MMP24: variants seen among roughly 807,000 people sequenced by gnomAD.
MMP24 encodes the protein matrix metalloproteinase-24.
Under a neutral mutation model 62.8 loss-of-function variants are expected in MMP24, and 25 were observed. The ratio of observed to expected loss-of-function variants is 0.40; its 90% CI spans 0.29 to 0.56. MMP24 has a LOEUF of 0.56. MMP24 is among the 20% of genes least tolerant of loss of function. The pLI is 0.50. For missense variants in MMP24, 634 were observed against 853.6 expected (o/e 0.74, Z 3.21); for synonymous variants, 319 against 350.5 (o/e 0.91, Z 1.00).
At chr20:35,262,166 T>G (rs1048580497) in intron 4 of MMP24, among the ~76,000 whole-genome samples, 3 of 151,952 alleles carry the variant, frequency 2.0e-5, no homozygotes, top group African/African-American at 7.3e-5. Context: ...GTGTTTCTCG[T>G]AAGGTGGAAT....
Position 35,269,852 on chromosome 20 carries a change from C to G in MMP24, c.1287C>G (p.Ile429Met). 1.3e-6 allele frequency: 2 copies of G among 1,553,810 alleles called. No homozygotes were observed. Among genetic ancestry groups the G allele is most frequent in the Non-Finnish European group, 1.7e-6 (2 of 1,148,310 alleles). The change falls in exon 7 of 9, where the codon ATC becomes ATG. Residue 429 changes from isoleucine (I) to methionine (M), a missense_variant. Physicochemically the swap from Ile to Met is conservative, Grantham distance 10. Transcript: ENST00000246186. The surrounding 1 kb of genome is among the most constrained non-coding windows in gnomAD (Gnocchi z 4.6). ...TCTGGAAGGGCCTGCCTGCCCGCAT[C>G]GACGCAGCCTATGAAAGGGCCGATG... ...EQFWKGLPAR[I>M]DAAYERADGR... is the part of the protein sequence containing the mutation.
intron 2 of MMP24, among the ~76,000 whole-genome samples, chr20:35,250,451 T>C (rs542263249): frequency 4.0e-5 from 6 of 151,676 alleles, no homozygotes; most frequent in Non-Finnish European, 8.8e-5. Flanking sequence ...TCCCAGCTAC[T>C]ACTCAGGAGG....
At chr20:35,267,176 C>CCTCT (rs902915821) in intron 5 of MMP24, 29 bp from the exon 6 acceptor site, 6 of 1,535,828 alleles carry the variant, frequency 3.9e-6, no homozygotes, top group Non-Finnish European at 5.3e-6. Flanking sequence ...ACGGCTGCCC[C>CCTCT]CTCTCTAAGA....
At chr20:35,235,315 G>A (rs921067128) in intron 1 of MMP24, among the ~76,000 whole-genome samples, 1 of 151,972 alleles carries the variant, frequency 6.6e-6, no homozygotes, top group Non-Finnish European at 1.5e-5. Flanking sequence ...GAGGCAGGAG[G>A]ATTGCTTGAG....
At chr20:35,254,154 C>A (rs1167151183) in intron 3 of MMP24, among the ~76,000 whole-genome samples, 1 of 152,214 alleles carries the variant, frequency 6.6e-6, no homozygotes, top group Non-Finnish European at 1.5e-5. Context: ...CAGGCGTGAA[C>A]CGCTGCGCCC....
At position 35,276,380 on chromosome 20, in the gene MMP24, C is replaced by T; in HGVS notation, c.*1771C>T. 2.5e-6 allele frequency: 1 copy of T among 398,764 alleles called. No homozygotes were observed. The allele number at this position is 398,764 out of a possible 1,614,324, so 24.7% of individuals were successfully genotyped here. On this transcript the variant is annotated 3_prime_UTR_variant, in exon 9 of 9. Coordinates refer to ENST00000246186, the MANE Select transcript of MMP24 (RefSeq NM_006690.4). Reference sequence around the variant, plus strand: ...TATACTTTGCAAAGCACTTTATTAGCTCACACCTGTCCACTCACATGAAAC... The same window carrying T: ...TATACTTTGCAAAGCACTTTATTAGTTCACACCTGTCCACTCACATGAAAC...
At position 35,271,924 on chromosome 20, in the gene MMP24, CGTCCAGGTTT is replaced by C; in HGVS notation, c.1600+91_1600+100del. 1 of 1,414,496 alleles carries C rather than the reference CGTCCAGGTTT, an allele frequency of 7.1e-7. No individual in the cohort carries two copies. Among genetic ancestry groups the C allele is most frequent in the Admixed American group, 2.7e-5 (1 of 37,366 alleles). 87.6% of individuals were successfully genotyped at this position (1,414,496 alleles called of 1,614,324 possible). A position where few individuals can be genotyped will look rare whatever the true frequency, so the allele number is the denominator to read the frequency against. On this transcript the variant is annotated intron_variant, in intron 8 of 8. Transcript: ENST00000246186. The surrounding 1 kb of genome is among the most constrained non-coding windows in gnomAD (Gnocchi z 4.0). ...CACGGGCATACTCAGTGCCCATGGG[CGTCCAGGTTT>C]GAAAAAACACCTGGTGGCAGACAAC...
Position 35,267,369 on chromosome 20 carries a change from G to A in MMP24, c.1144G>A (p.Gly382Ser), listed in dbSNP as rs2060641732. 4 of 1,576,432 alleles carry A rather than the reference G, an allele frequency of 2.5e-6. No homozygotes were observed. The highest frequency in any genetic ancestry group is 1.7e-6 in the Non-Finnish European group (2 of 1,161,420). Residue 382 changes from glycine to serine, a missense_variant, in exon 6 of 9, where the codon GGC becomes AGC. Transcript: ENST00000246186. The part of the protein sequence containing the change: ...TPGTKPNICD[G>S]NFNTVALFRG... ...AGGCACCAAACCCAACATCTGTGAC[G>A]GCAACTTCAACACAGTGGCCCTCTT...
chr20:35,255,343 A>AC, intron 4 of MMP24, among the ~76,000 whole-genome samples: 1 of 152,260 alleles, frequency 6.6e-6, no homozygotes, highest in East Asian at 1.9e-4. Context: ...AAAAAAAAAA[A>AC]AGTTAAAAGG....
chr20:35,267,546 C>A, intron 6 of MMP24, 127 bp downstream of exon 6: 2 of 984,424 alleles, frequency 2.0e-6, no homozygotes, highest in Non-Finnish European at 3.0e-6. Context: ...AGGAGCTAGC[C>A]CAGTGGCCAG....
At chr20:35,238,885 G>A (rs1360018174) in intron 1 of MMP24, among the ~76,000 whole-genome samples, 1 of 152,056 alleles carries the variant, frequency 6.6e-6, no homozygotes, top group Non-Finnish European at 1.5e-5. Context: ...TAACTAGAAT[G>A]CTGTTTTTGG....
At chr20:35,245,233 C>A (rs1455724137) in intron 1 of MMP24, among the ~76,000 whole-genome samples, 2 of 151,938 alleles carry the variant, frequency 1.3e-5, no homozygotes, top group African/African-American at 4.8e-5. Flanking sequence ...TGATATGTGG[C>A]CCAGGCTGGT....
chr20:35,272,419 G>A lies in MMP24; in HGVS notation c.1600+584G>A, dbSNP rs192647865. Among the ~76,000 whole-genome samples the A allele has an allele frequency of 5.7e-4, 87 of 152,164 alleles. 2 individuals carry two copies. The South Asian group carries it at 0.017, about 30-fold the overall frequency. ...GTGCCTGGCTAATTTACATTTTTTT[G>A]TAGCAACAGGGTTTCACTATGTTGG... is the stretch of plus-strand genomic sequence containing the variant. On this transcript the variant is annotated intron_variant, in intron 8 of 8. Transcript: ENST00000246186.
chr20:35,276,267 T>C lies in MMP24; in HGVS notation c.*1658T>C. Reference sequence around the variant, plus strand: ...GTGTCCCCTGTCATCATCCTTGTTTTTTCTCATTTTGGCCAAGGGCAGGCT... The same window carrying C: ...GTGTCCCCTGTCATCATCCTTGTTTCTTCTCATTTTGGCCAAGGGCAGGCT... On this transcript the variant is annotated 3_prime_UTR_variant, in exon 9 of 9. Transcript: ENST00000246186. 1 of 399,142 alleles carries C rather than the reference T, an allele frequency of 2.5e-6. No individual in the cohort carries two copies. Among genetic ancestry groups the C allele is most frequent in the Non-Finnish European group, 4.4e-6 (1 of 226,106 alleles). The allele number at this position is 399,142 out of a possible 1,614,324, so 24.7% of individuals were successfully genotyped here.
intron 4 of MMP24, among the ~76,000 whole-genome samples, chr20:35,260,359 G>A (rs891057149): frequency 1.3e-5 from 2 of 152,220 alleles, no homozygotes; most frequent in African/African-American, 4.8e-5. Context: ...CCAGAACAGG[G>A]GTTAAAAGAG....
At chr20:35,230,149 C>T (rs1192279128) in intron 1 of MMP24, among the ~76,000 whole-genome samples, 1 of 151,950 alleles carries the variant, frequency 6.6e-6, no homozygotes, top group Admixed American at 6.6e-5. Context: ...ACCACCACGC[C>T]CGGTTAATTT....
intron 2 of MMP24, among the ~76,000 whole-genome samples, chr20:35,249,783 C>T (rs1461225174): frequency 2.0e-5 from 3 of 150,364 alleles, no homozygotes; most frequent in East Asian, 2.0e-4. Context: ...TTAGTACAGA[C>T]GGGGTTTCAC....
At chr20:35,227,905 G>T (rs967359948) in intron 1 of MMP24, among the ~76,000 whole-genome samples, 3 of 152,162 alleles carry the variant, frequency 2.0e-5, no homozygotes, top group Non-Finnish European at 4.4e-5. Context: ...ACCTAGGCAG[G>T]CTGACTCTAG....
chr20:35,244,076 A>G (rs184741522), intron 1 of MMP24, among the ~76,000 whole-genome samples: 1 of 152,344 alleles, frequency 6.6e-6, no homozygotes, highest in East Asian at 1.9e-4. Flanking sequence ...GCAAATAATA[A>G]CTTATTTATA....
Sources: gnomAD v4.1 joint callset for allele counts (sites outside exome capture counted in the v4.1 genomes callset) on GRCh38, gnomAD v4.1.1 for gene constraint, Gnocchi (gnomAD v3.1) non-coding constraint, MANE v1.5 for transcripts, NCBI Gene and HGNC (gene_info 2026-07-23, HGNC 2026-07-21) for gene names.